The following CCDC85C variants were observed in gnomAD, a reference collection of about 807,000 sequenced individuals.
CCDC85C encodes the protein coiled-coil domain containing 85C, also known as coiled-coil domain-containing protein 85C.
Under a neutral mutation model 38.3 loss-of-function variants are expected in CCDC85C, and 18 were observed. The observed-to-expected ratio is 0.47, with a 90% CI of 0.33 to 0.70. CCDC85C has a LOEUF of 0.70. Ranked by LOEUF, CCDC85C falls within the 30% of genes least tolerant of loss-of-function variation. CCDC85C has a pLI of 0.03. For missense variants in CCDC85C, 566 were observed against 621.2 expected, an observed-to-expected ratio of 0.91 and a Z score of 0.94; for synonymous variants, 264 against 293.8, an observed-to-expected ratio of 0.90 and a Z score of 1.04.
chr14:99,525,381 C>T (rs1267438654), intron 2 of CCDC85C, among the ~76,000 whole-genome samples: 1 of 152,194 alleles, frequency 6.6e-6, no homozygotes, highest in African/African-American at 2.4e-5. Context: ...AGAGGGGATG[C>T]TGAACAGAAA....
chr14:99,542,868 G>A (rs943894899), intron 1 of CCDC85C, among the ~76,000 whole-genome samples: 3 of 152,202 alleles, frequency 2.0e-5, no homozygotes, highest in Non-Finnish European at 2.9e-5. Flanking sequence ...GGCCTGGGGC[G>A]CTCTCCTTGT....
chr14:99,553,328 C>T (rs1225504933), intron 1 of CCDC85C, among the ~76,000 whole-genome samples: 1 of 151,312 alleles, frequency 6.6e-6, no homozygotes, highest in East Asian at 2.0e-4. Flanking sequence ...GGGTTCAAAT[C>T]TCACACGGGG....
chr14:99,527,768 G>A (rs1897414355), intron 2 of CCDC85C, among the ~76,000 whole-genome samples: 1 of 152,112 alleles, frequency 6.6e-6, no homozygotes, highest in Non-Finnish European at 1.5e-5. Flanking sequence ...CAGCTGGGTG[G>A]GCATGTGGGC....
intron 1 of CCDC85C, among the ~76,000 whole-genome samples, chr14:99,599,633 T>C (rs542709784): frequency 2.0e-4 from 31 of 152,080 alleles, no homozygotes; most frequent in Non-Finnish European, 3.8e-4. Context: ...CTCACGTCTG[T>C]AATCCCAACA....
Position 99,572,602 on chromosome 14 carries a change from C to T in CCDC85C, c.793+30565G>A. The T allele has an allele frequency of 2.2e-6, 1 of 448,618 alleles. No homozygotes were observed. The highest frequency in any genetic ancestry group is 4.5e-6 in the Non-Finnish European group (1 of 222,706). The allele number at this position is 448,618 out of a possible 1,614,324, so 27.8% of individuals were successfully genotyped here. A position where few individuals can be genotyped will look rare whatever the true frequency, so the allele number is the denominator to read the frequency against. ...CTCCGGGAAAGCTCTGACATCTGTC[C>T]TTTGCTGGAAACCTTCCAGGGACGA... On this transcript the variant is annotated intron_variant, in intron 1 of 5. Transcript: ENST00000380243. This position sits in a 1 kb window ranked among gnomAD's most constrained non-coding sequence, Gnocchi z 4.4.
At chr14:99,567,389 C>A (rs544150204) in intron 1 of CCDC85C, among the ~76,000 whole-genome samples, 7 of 152,302 alleles carry the variant, frequency 4.6e-5, no homozygotes, top group Non-Finnish European at 1.0e-4. Flanking sequence ...GGGGGCGTGA[C>A]AACCAGGGGA....
At chr14:99,589,886 C>A (rs2055067313) in intron 1 of CCDC85C, among the ~76,000 whole-genome samples, 1 of 152,226 alleles carries the variant, frequency 6.6e-6, no homozygotes, top group South Asian at 2.1e-4. Context: ...CCCAAGTGAC[C>A]CCCTCCACCG....
chr14:99,540,763 T>C (rs1223573555), intron 1 of CCDC85C, among the ~76,000 whole-genome samples: 7 of 151,926 alleles, frequency 4.6e-5, no homozygotes, highest in African/African-American at 1.5e-4. Flanking sequence ...AGACCTAAGC[T>C]CCCCTCACCC....
chr14:99,567,711 G>C (rs550555927), intron 1 of CCDC85C, among the ~76,000 whole-genome samples: 1 of 152,314 alleles, frequency 6.6e-6, no homozygotes, highest in South Asian at 2.1e-4. Context: ...TGCAGTCCCA[G>C]CTACTTGGGA....
rs1481196801 is a variant in CCDC85C at position 99,515,070 on chromosome 14, C to T, written c.*176G>A. ...TGGTGTATGAGGCGGGAGATGGCGG[C>T]TTGGGCCAGTGCATCGGACCCATGG... On this transcript the variant is annotated 3_prime_UTR_variant, in exon 6 of 6. Coordinates refer to ENST00000380243, the MANE Select transcript of CCDC85C (RefSeq NM_001144995.2). 3.6e-6 allele frequency: 2 copies of T among 553,270 alleles called. No homozygotes were observed. Among genetic ancestry groups the T allele is most frequent in the Admixed American group, 3.3e-5 (1 of 30,022 alleles). The allele number at this position is 553,270 out of a possible 1,614,324, so 34.3% of individuals were successfully genotyped here.
At chr14:99,530,153 G>A (rs1242730907) in intron 2 of CCDC85C, among the ~76,000 whole-genome samples, 1 of 152,210 alleles carries the variant, frequency 6.6e-6, no homozygotes, top group Non-Finnish European at 1.5e-5. Context: ...TACACTGCTG[G>A]TGCTAGGGCA....
At position 99,504,219 on chromosome 14, in the gene CCDC85C, C is replaced by T. The variant is rs1595319708; in HGVS notation, c.*11027G>A. On this transcript the variant is annotated 3_prime_UTR_variant, in exon 6 of 6. Coordinates refer to ENST00000380243, the MANE Select transcript of CCDC85C (RefSeq NM_001144995.2). ...AAACAGAAAGTTAGAAATGTTTTGT[C>T]ACAGGGTCAGTCCACCTATCATACT... is the stretch of plus-strand genomic sequence containing the variant. 4.7e-6 allele frequency: 1 copy of T among 214,762 alleles called. No homozygotes were observed. Among genetic ancestry groups the T allele is most frequent in the Admixed American group, 5.7e-5 (1 of 17,464 alleles). 13.3% of individuals were successfully genotyped at this position (214,762 alleles called of 1,614,324 possible). A position where few individuals can be genotyped will look rare whatever the true frequency, so the allele number is the denominator to read the frequency against.
rs117922694 is a variant in CCDC85C at position 99,562,571 on chromosome 14, G to A, written c.794-26483C>T. Among the ~76,000 whole-genome samples, 930 of 152,318 alleles carry A rather than the reference G, an allele frequency of 6.1e-3. 4 individuals are homozygous for A. The highest frequency in any genetic ancestry group is 0.027 in the Middle Eastern group (8 of 294). ...ACCAGGGCTGGCCCACACAGGAGGC[G>A]ATATCCGAAACCTGCCTAGGTTGGC... On this transcript the variant is annotated intron_variant, in intron 1 of 5. Transcript: ENST00000380243.
At chr14:99,586,333 G>T (rs1325909730) in intron 1 of CCDC85C, among the ~76,000 whole-genome samples, 2 of 152,244 alleles carry the variant, frequency 1.3e-5, no homozygotes, top group African/African-American at 4.8e-5. Flanking sequence ...AATCCCCTTT[G>T]CCACAAATGC....
Position 99,603,049 on chromosome 14 carries a change from G to A in CCDC85C, c.793+118C>T. On this transcript the variant is annotated intron_variant, in intron 1 of 5. Transcript: ENST00000380243. This position sits in a 1 kb window ranked among gnomAD's most constrained non-coding sequence, Gnocchi z 7.5. Reference sequence around the variant, plus strand: ...TGGCCCAGGATCCATGACAGCTGGAGGAGTCTGGAGTGGCGGCCGCATGAG... The same window carrying A: ...TGGCCCAGGATCCATGACAGCTGGAAGAGTCTGGAGTGGCGGCCGCATGAG... 1.7e-6 allele frequency: 2 copies of A among 1,201,070 alleles called. No homozygotes were observed. Among genetic ancestry groups the A allele is most frequent in the Non-Finnish European group, 2.1e-6 (2 of 953,362 alleles). The allele number at this position is 1,201,070 out of a possible 1,614,324, so 74.4% of individuals were successfully genotyped here.
At chr14:99,563,210 G>A (rs1898151156) in intron 1 of CCDC85C, among the ~76,000 whole-genome samples, 1 of 152,238 alleles carries the variant, frequency 6.6e-6, no homozygotes, top group African/African-American at 2.4e-5. Context: ...CCATGGCAGG[G>A]ACTGGGTGCA....
At chr14:99,585,604 C>G (rs2055017668) in intron 1 of CCDC85C, among the ~76,000 whole-genome samples, 1 of 152,266 alleles carries the variant, frequency 6.6e-6, no homozygotes, top group African/African-American at 2.4e-5. Flanking sequence ...ACACACGCGT[C>G]TTGTTTGATC....
In CCDC85C at chr14:99,572,184, C is replaced by T. The variant is rs908595901; in HGVS notation, c.793+30983G>A. 6.6e-6 allele frequency among the ~76,000 whole-genome samples: 1 copy of T among 152,214 alleles called. No homozygotes were observed. The highest frequency in any genetic ancestry group is 1.5e-5 in the Non-Finnish European group (1 of 68,040). On this transcript the variant is annotated intron_variant, in intron 1 of 5. Coordinates refer to ENST00000380243, the MANE Select transcript of CCDC85C (RefSeq NM_001144995.2). The surrounding 1 kb of genome is among the most constrained non-coding windows in gnomAD (Gnocchi z 4.4). Reference sequence around the variant, plus strand: ...CACAGGGTGGTGGTCCCTAGAAAGACCTCCAGGGTGGGCTTCAGTGGCCCT... The same window carrying T: ...CACAGGGTGGTGGTCCCTAGAAAGATCTCCAGGGTGGGCTTCAGTGGCCCT...
intron 2 of CCDC85C, chr14:99,522,509 TGAA>T (rs768679222): frequency 3.9e-5 from 12 of 310,478 alleles, no homozygotes; most frequent in Middle Eastern, 9.0e-4. Flanking sequence ...AATGAATGAA[TGAA>T]GAAGAGCCAG....
Sources: allele counts gnomAD v4.1 joint callset (sites outside exome capture counted in the v4.1 genomes callset), GRCh38; gene constraint gnomAD v4.1.1; non-coding constraint Gnocchi (gnomAD v3.1); transcripts MANE v1.5; gene names NCBI Gene and HGNC (gene_info 2026-07-23, HGNC 2026-07-21).